CNTN4: variants seen among roughly 807,000 people sequenced by gnomAD.
CNTN4 encodes contactin-4.
CNTN4 carries 77 observed loss-of-function variants against 122.5 expected under a neutral mutation model. The observed-to-expected ratio is 0.63, with a 90% CI of 0.52 to 0.76. CNTN4 has a LOEUF of 0.76. Among genes scored for constraint, CNTN4 ranks in the 30% least tolerant of loss-of-function variants. The pLI, the probability that CNTN4 is intolerant of heterozygous loss-of-function variation, is 0.00. For missense variants in CNTN4, 1,256 were observed against 1,259.1 expected, an observed-to-expected ratio of 1.00 and a Z score of 0.04; for synonymous variants, 512 against 447.0, an observed-to-expected ratio of 1.15 and a Z score of -1.83.
intron 8 of CNTN4, among the ~76,000 whole-genome samples, chr3:2,878,169 GTTA>G (rs2093866787): frequency 1.3e-5 from 2 of 152,028 alleles, no homozygotes; most frequent in African/African-American, 2.4e-5. Flanking sequence ...TGATGACTCT[GTTA>G]TTCACGTTCC....
At chr3:2,296,698 CAAG>C (rs1171780679) in intron 2 of CNTN4, among the ~76,000 whole-genome samples, 2 of 150,416 alleles carry the variant, frequency 1.3e-5, no homozygotes, top group African/African-American at 4.9e-5. Context: ...CAAAAGGGCA[CAAG>C]AAGAATAAAA....
intron 4 of CNTN4, among the ~76,000 whole-genome samples, chr3:2,680,385 C>G (rs1257199955): frequency 6.6e-6 from 1 of 152,118 alleles, no homozygotes; most frequent in Non-Finnish European, 1.5e-5. Context: ...ATGATGTTAG[C>G]AAATTGTCAA....
In CNTN4 at chr3:2,385,381, G is replaced by C. The variant is rs142710169; in HGVS notation, c.-89+46148G>C. The stretch of plus-strand genomic sequence containing the variant: ...ATAACCTATTAGCATACTTAAGGCA[G>C]AGTCTTTGTCCTTTTCTCCACTATT... On this transcript the variant is annotated intron_variant, in intron 3 of 24. Transcript: ENST00000418658. This position sits in a 1 kb window ranked among gnomAD's most constrained non-coding sequence, Gnocchi z 4.0. Among the ~76,000 whole-genome samples, 1 of 152,018 alleles carries C rather than the reference G, an allele frequency of 6.6e-6. No individual in the cohort carries two copies. Among genetic ancestry groups the C allele is most frequent in the Non-Finnish European group, 1.5e-5 (1 of 68,024 alleles).
At chr3:2,974,414 A>G (rs1469016955) in intron 13 of CNTN4, among the ~76,000 whole-genome samples, 1 of 152,240 alleles carries the variant, frequency 6.6e-6, no homozygotes, top group Non-Finnish European at 1.5e-5. Flanking sequence ...GCACCATCAC[A>G]GGCTTAAATG....
intron 13 of CNTN4, among the ~76,000 whole-genome samples, chr3:2,969,952 C>T (rs191909273): frequency 3.9e-5 from 6 of 152,182 alleles, no homozygotes; most frequent in Non-Finnish European, 8.8e-5. Flanking sequence ...TATATACACC[C>T]ACACACACAG....
At chr3:2,339,590 G>T (rs566686685) in intron 3 of CNTN4, among the ~76,000 whole-genome samples, 15 of 152,230 alleles carry the variant, frequency 9.9e-5, no homozygotes, top group Non-Finnish European at 1.8e-4. Context: ...GGATGTTTTA[G>T]CAGTCAAACC....
chr3:2,294,474 A>G (rs1268287984), intron 2 of CNTN4, among the ~76,000 whole-genome samples: 2 of 151,958 alleles, frequency 1.3e-5, no homozygotes, highest in African/African-American at 4.8e-5. Context: ...CTGCAAAAGC[A>G]TACAAAAATT....
chr3:2,645,167 T>G (rs957121104), intron 4 of CNTN4, among the ~76,000 whole-genome samples: 1 of 152,074 alleles, frequency 6.6e-6, no homozygotes, highest in Non-Finnish European at 1.5e-5. Context: ...GTGAAAGCAT[T>G]AAGTGTTTCA....
intron 2 of CNTN4, among the ~76,000 whole-genome samples, chr3:2,106,670 G>A (rs2032472315): frequency 6.6e-6 from 1 of 152,208 alleles, no homozygotes; most frequent in South Asian, 2.1e-4. Flanking sequence ...CCTGTGATGG[G>A]AGGGGCTGCC....
chr3:2,745,683 AG>A lies in CNTN4; in HGVS notation c.345del (p.Lys115AsnfsTer39). ...GGAACAATTGTTAGCAGAGAAGCAA[AG>A]CTTCAGTTTGCTTGTAAGTAGCAAT... ...SFGTIVSREA[K>X]LQFAYLDNFK... On this transcript the variant is annotated frameshift_variant, in exon 6 of 25. Transcript: ENST00000418658. LOFTEE classifies it high-confidence loss of function. 6.2e-7 allele frequency: 1 copy of A among 1,614,098 alleles called. No individual in the cohort carries two copies.
intron 15 of CNTN4, among the ~76,000 whole-genome samples, chr3:3,027,268 A>C (rs949600254): frequency 6.6e-6 from 1 of 152,188 alleles, no homozygotes; most frequent in East Asian, 1.9e-4. Context: ...TCTCAGTTCT[A>C]TGCCAAGAGT....
At chr3:2,601,962 C>T (rs1267213579) in intron 4 of CNTN4, among the ~76,000 whole-genome samples, 1 of 152,006 alleles carries the variant, frequency 6.6e-6, no homozygotes, top group Non-Finnish European at 1.5e-5. Context: ...AAACGTAATC[C>T]ATCATATAAA....
In CNTN4 at chr3:2,868,351, A is replaced by G. The variant is rs572109176; in HGVS notation, c.652+1402A>G. Among the ~76,000 whole-genome samples the G allele has an allele frequency of 5.3e-5, 8 of 152,298 alleles. No individual in the cohort carries two copies. In the East Asian group the frequency reaches 1.4e-3, roughly 26 times the overall value. On this transcript the variant is annotated intron_variant, in intron 8 of 24. Coordinates refer to ENST00000418658, the MANE Select transcript of CNTN4 (RefSeq NM_175607.3). Reference sequence around the variant, plus strand: ...CATGTCTTACTGACTCCAGAGCCTGATATCTTAAACCCTCACAGTGCTTCG... The same window carrying G: ...CATGTCTTACTGACTCCAGAGCCTGGTATCTTAAACCCTCACAGTGCTTCG...
At chr3:2,910,309 G>A (rs1431113986) in intron 12 of CNTN4, among the ~76,000 whole-genome samples, 1 of 152,162 alleles carries the variant, frequency 6.6e-6, no homozygotes, top group Admixed American at 6.5e-5. Context: ...GCAGCCTAAG[G>A]CATCACTGAG....
chr3:2,263,289 G>T (rs1222516034), intron 2 of CNTN4, among the ~76,000 whole-genome samples: 2 of 152,016 alleles, frequency 1.3e-5, no homozygotes, highest in Non-Finnish European at 2.9e-5. Flanking sequence ...AGCTCTTAAC[G>T]GTGTCAGCAA....
intron 2 of CNTN4, among the ~76,000 whole-genome samples, chr3:2,221,076 T>G (rs932101394): frequency 6.6e-6 from 1 of 152,152 alleles, no homozygotes; most frequent in Non-Finnish European, 1.5e-5. Flanking sequence ...CTGCAGAGTT[T>G]TGATGAAACA....
chr3:2,907,570 CAAAA>C (rs34860687), intron 12 of CNTN4, among the ~76,000 whole-genome samples: 1 of 133,726 alleles, frequency 7.5e-6, no homozygotes, highest in Non-Finnish European at 1.6e-5. Context: ...GAGACTGTCT[CAAAA>C]AAAAAAAAAA....
intron 14 of CNTN4, among the ~76,000 whole-genome samples, chr3:2,995,696 A>C (rs1348724129): frequency 6.6e-6 from 1 of 152,130 alleles, no homozygotes; most frequent in Admixed American, 6.6e-5. Context: ...GTGTGGTGTG[A>C]TTTTTTTACA....
chr3:2,223,558 C>T (rs1434868847), intron 2 of CNTN4, among the ~76,000 whole-genome samples: 1 of 152,080 alleles, frequency 6.6e-6, no homozygotes, highest in African/African-American at 2.4e-5. Flanking sequence ...GCCTCCTGTG[C>T]AGAAAAGAGT....
Sources: gnomAD v4.1 joint callset for allele counts (sites outside exome capture counted in the v4.1 genomes callset) on GRCh38, gnomAD v4.1.1 for gene constraint, Gnocchi (gnomAD v3.1) non-coding constraint, MANE v1.5 for transcripts, NCBI Gene and HGNC (gene_info 2026-07-23, HGNC 2026-07-21) for gene names.